LAP3: variants seen among roughly 807,000 people sequenced by gnomAD.
LAP3 encodes cytosol aminopeptidase.
LAP3 carries 46 observed loss-of-function variants against 58.8 expected under a neutral mutation model. The observed-to-expected ratio is 0.78, with a 90% confidence interval of 0.62 to 1.00. The LOEUF is 1.00. Ranked by LOEUF, LAP3 falls within the 50% of genes least tolerant of loss-of-function variation. LAP3 has a pLI of 0.00. For synonymous variants in LAP3, 257 were observed against 237.7 expected (o/e 1.08, Z -0.75); for missense variants, 615 against 659.1 (o/e 0.93, Z 0.73).
Position 17,595,540 on chromosome 4 carries a change from T to C in LAP3, c.988+6T>C, listed in dbSNP as rs755911408. On this transcript the variant is annotated splice_donor_region_variant and intron_variant, in intron 8 of 12. Coordinates refer to ENST00000226299, the MANE Select transcript of LAP3 (RefSeq NM_015907.3). ...TTTGCCCATTAATATTATAGGTAAG[T>C]GGGGTAACGGATTACATCTCATAAC... 6.2e-7 allele frequency: 1 copy of C among 1,613,622 alleles called. No homozygotes were observed. Among genetic ancestry groups the C allele is most frequent in the Non-Finnish European group, 8.5e-7 (1 of 1,179,694 alleles).
At chr4:17,578,730 A>T (rs2109016764) in intron 1 of LAP3, among the ~76,000 whole-genome samples, 1 of 152,328 alleles carries the variant, frequency 6.6e-6, no homozygotes, top group East Asian at 1.9e-4. Context: ...CATTTCTGGT[A>T]TTTGAGACCT....
At position 17,590,594 on chromosome 4, in the gene LAP3, C is replaced by G. The variant is rs1281411469; in HGVS notation, c.863+1617C>G. ...ATTTTATTTATTTATTTTTTTGAGACAGAGTCTAGCTCTGTTGCCCAGGCT... is the reference window on the plus strand; with the variant it reads ...ATTTTATTTATTTATTTTTTTGAGAGAGAGTCTAGCTCTGTTGCCCAGGCT... On this transcript the variant is annotated intron_variant, in intron 7 of 12. Coordinates refer to ENST00000226299, the MANE Select transcript of LAP3 (RefSeq NM_015907.3). Among the ~76,000 whole-genome samples, 3 of 152,100 alleles carry G rather than the reference C, an allele frequency of 2.0e-5. No homozygotes were observed. In the East Asian group the frequency reaches 5.8e-4, roughly 29 times the overall value.
chr4:17,588,095 G>A (rs993274943), intron 6 of LAP3, among the ~76,000 whole-genome samples: 1 of 151,992 alleles, frequency 6.6e-6, no homozygotes, highest in South Asian at 2.1e-4. Context: ...TGGCGAGATC[G>A]TGGCTCACTG....
intron 5 of LAP3, 82 bp from the exon 6 acceptor site, chr4:17,584,890 A>G: frequency 7.5e-7 from 1 of 1,330,768 alleles, no homozygotes; most frequent in Non-Finnish European, 1.0e-6. Context: ...TGTTTTCTGT[A>G]AGGTAAGAGT....
chr4:17,579,960 C>T (rs368636794), intron 2 of LAP3, 21 bp downstream of exon 2: 2 of 1,401,132 alleles, frequency 1.4e-6, no homozygotes, highest in African/African-American at 2.9e-5. Flanking sequence ...CTTGTGGGCT[C>T]TAGTTCTTAA....
At chr4:17,591,925 C>G (rs1167483625) in intron 7 of LAP3, among the ~76,000 whole-genome samples, 2 of 151,750 alleles carry the variant, frequency 1.3e-5, no homozygotes, top group Non-Finnish European at 2.9e-5. Flanking sequence ...CAGTGAAATT[C>G]ACCCTCTAAG....
chr4:17,577,768 C>T (rs1188908915), intron 1 of LAP3, among the ~76,000 whole-genome samples: 1 of 152,242 alleles, frequency 6.6e-6, no homozygotes, highest in Non-Finnish European at 1.5e-5. Flanking sequence ...CGCGATTCCC[C>T]TGCTCGGGGC....
chr4:17,579,552 A>C (rs1352275134), intron 1 of LAP3, among the ~76,000 whole-genome samples: 1 of 152,226 alleles, frequency 6.6e-6, no homozygotes, highest in Non-Finnish European at 1.5e-5. Flanking sequence ...TTTATTTGAA[A>C]GTGAAGCCGT....
At chr4:17,598,397 G>C in intron 9 of LAP3, 59 bp from the exon 10 acceptor site, 1 of 1,228,736 alleles carries the variant, frequency 8.1e-7, no homozygotes. Flanking sequence ...TGTTGCAAGT[G>C]TCTAGTTTTC....
intron 9 of LAP3, among the ~76,000 whole-genome samples, 192 bp downstream of exon 9, chr4:17,597,326 AGTGCAGTGGC>A (rs1713855659): frequency 6.6e-6 from 1 of 152,148 alleles, no homozygotes; most frequent in African/African-American, 2.4e-5. Context: ...CCCAGGCTGT[AGTGCAGTGGC>A]GTGATCATGT....
intron 7 of LAP3, among the ~76,000 whole-genome samples, chr4:17,590,309 C>T (rs900901009): frequency 6.6e-6 from 1 of 152,060 alleles, no homozygotes; most frequent in Non-Finnish European, 1.5e-5. Flanking sequence ...TTTTTGTGCC[C>T]TTTCTGGAAT....
chr4:17,606,771 C>T, intron 11 of LAP3, 58 bp from the exon 12 acceptor site: 2 of 1,115,282 alleles, frequency 1.8e-6, no homozygotes, highest in Non-Finnish European at 2.7e-6. Flanking sequence ...ATGTTAATGC[C>T]ATGAATTTCC....
intron 9 of LAP3, among the ~76,000 whole-genome samples, chr4:17,597,662 T>C (rs1304503015): frequency 1.3e-5 from 2 of 152,234 alleles, no homozygotes; most frequent in African/African-American, 4.8e-5. Context: ...ATTTCCTGTA[T>C]GCTATACATG....
At chr4:17,578,763 G>A (rs982332270) in intron 1 of LAP3, among the ~76,000 whole-genome samples, 1 of 152,156 alleles carries the variant, frequency 6.6e-6, no homozygotes, top group Non-Finnish European at 1.5e-5. Context: ...GGAGATGAAG[G>A]GAGTGAGCCG....
At chr4:17,590,040 C>T (rs1032052506) in intron 7 of LAP3, among the ~76,000 whole-genome samples, 7 of 152,074 alleles carry the variant, frequency 4.6e-5, no homozygotes, top group African/African-American at 1.7e-4. Context: ...AAGCATTTGC[C>T]ACCAAACACA....
At chr4:17,601,461 T>G (rs16895280) in intron 10 of LAP3, among the ~76,000 whole-genome samples, 2,115 of 152,284 alleles carry the variant, frequency 0.014, 58 homozygotes, top group African/African-American at 0.048. Flanking sequence ...TATGACAAAT[T>G]TTAAAACTGA....
In LAP3 at chr4:17,589,467, A is replaced by G. The variant is rs570163197; in HGVS notation, c.863+490A>G. ...TGCTTAGAATATGTCAGAGACTATC[A>G]GGTATTTTGCATGTGTTAGCCCTAA... On this transcript the variant is annotated intron_variant, in intron 7 of 12. Transcript: ENST00000226299. 2.0e-5 allele frequency among the ~76,000 whole-genome samples: 3 copies of G among 152,272 alleles called. No individual in the cohort carries two copies. In the East Asian group the frequency reaches 5.8e-4, roughly 29 times the overall value.
At chr4:17,584,315 A>G (rs1475549012) in intron 5 of LAP3, among the ~76,000 whole-genome samples, 1 of 152,316 alleles carries the variant, frequency 6.6e-6, no homozygotes, top group African/African-American at 2.4e-5. Flanking sequence ...TACCGATTTC[A>G]TGGGGTTTGT....
At chr4:17,588,677 G>A in intron 6 of LAP3, 142 bp from the exon 7 acceptor site, 1 of 693,836 alleles carries the variant, frequency 1.4e-6, no homozygotes, top group South Asian at 2.8e-5. Context: ...GCAAATAATG[G>A]GACCTGATAA....
Sources: allele counts gnomAD v4.1 joint callset (sites outside exome capture counted in the v4.1 genomes callset), GRCh38; gene constraint gnomAD v4.1.1; transcripts MANE v1.5; gene names NCBI Gene and HGNC (gene_info 2026-07-23, HGNC 2026-07-21).